DRC11: variants seen among roughly 807,000 people sequenced by gnomAD.
DRC11 encodes the protein dynein regulatory complex subunit 11.
the DRC11 span, among the ~76,000 whole-genome samples, chr2:236,406,912 A>T: frequency 1.4e-4 from 21 of 152,024 alleles, no homozygotes; most frequent in African/African-American, 4.6e-4. The surrounding 1 kb of genome is among the most constrained non-coding windows in gnomAD (Gnocchi z 4.7). Flanking sequence ...CGCCTGGCTA[A>T]TTTTTTGTAT....
At chr2:236,335,784 A>T in the DRC11 span, among the ~76,000 whole-genome samples, 2 of 152,232 alleles carry the variant, frequency 1.3e-5, no homozygotes, top group Non-Finnish European at 2.9e-5. The surrounding 1 kb of genome is among the most constrained non-coding windows in gnomAD (Gnocchi z 5.6). Flanking sequence ...AGAAGAACGC[A>T]TGAGAGGAGA....
At chr2:236,419,218 C>G in the DRC11 span, 1 of 1,538,112 alleles carries the variant, frequency 6.5e-7, no homozygotes, top group Non-Finnish European at 8.8e-7. This position sits in a 1 kb window ranked among gnomAD's most constrained non-coding sequence, Gnocchi z 4.8. Context: ...TTTTCTTCTT[C>G]TTCTTTTTGT....
At chr2:236,391,122 A>C in the DRC11 span, 1 of 152,190 alleles carries the variant, frequency 6.6e-6, no homozygotes, top group African/African-American at 2.4e-5. The surrounding 1 kb of genome is among the most constrained non-coding windows in gnomAD (Gnocchi z 4.5). Flanking sequence ...TGGTTATTAA[A>C]TTGGTGTTTT....
the DRC11 span, among the ~76,000 whole-genome samples, chr2:236,410,090 C>G: frequency 6.6e-6 from 1 of 151,426 alleles, no homozygotes; most frequent in Admixed American, 6.6e-5. Context: ...TGTGTCTCTG[C>G]CCGGCTTTGG....
At chr2:236,401,612 C>T in the DRC11 span, among the ~76,000 whole-genome samples, 2 of 152,206 alleles carry the variant, frequency 1.3e-5, no homozygotes, top group African/African-American at 4.8e-5. The surrounding 1 kb of genome is among the most constrained non-coding windows in gnomAD (Gnocchi z 4.6). Context: ...AACACAGACA[C>T]GGGCTACGGA....
the DRC11 span, among the ~76,000 whole-genome samples, chr2:236,357,649 T>TAATATAC: frequency 1.2e-3 from 157 of 126,224 alleles, 1 homozygote; most frequent in Non-Finnish European, 2.2e-3. Flanking sequence ...TGTAAATATA[T>TAATATAC]AAATTATATT....
chr2:236,430,282 G>A, the DRC11 span, among the ~76,000 whole-genome samples: 3 of 152,046 alleles, frequency 2.0e-5, no homozygotes, highest in Admixed American at 6.6e-5. This position sits in a 1 kb window ranked among gnomAD's most constrained non-coding sequence, Gnocchi z 6.0. Flanking sequence ...AAAGTAATAT[G>A]TCATTGAAGT....
At chr2:236,461,750 G>A in the DRC11 span, among the ~76,000 whole-genome samples, 22 of 152,248 alleles carry the variant, frequency 1.4e-4, no homozygotes, top group South Asian at 3.9e-3. This position sits in a 1 kb window ranked among gnomAD's most constrained non-coding sequence, Gnocchi z 4.0. Context: ...GGAAACTGAC[G>A]CACAGAGAAG....
chr2:236,375,498 TGAA>T, the DRC11 span, among the ~76,000 whole-genome samples: 1 of 152,150 alleles, frequency 6.6e-6, no homozygotes, highest in Non-Finnish European at 1.5e-5. This position sits in a 1 kb window ranked among gnomAD's most constrained non-coding sequence, Gnocchi z 4.2. Context: ...CTCCAGCACT[TGAA>T]GAAGAAACAC....
the DRC11 span, among the ~76,000 whole-genome samples, chr2:236,391,628 C>T: frequency 6.6e-6 from 1 of 152,214 alleles, no homozygotes; most frequent in African/African-American, 2.4e-5. This position sits in a 1 kb window ranked among gnomAD's most constrained non-coding sequence, Gnocchi z 4.5. Flanking sequence ...TTACCATTGG[C>T]CTCCCTTATA....
At chr2:236,437,693 T>C in the DRC11 span, among the ~76,000 whole-genome samples, 1 of 151,924 alleles carries the variant, frequency 6.6e-6, no homozygotes, top group Admixed American at 6.6e-5. Flanking sequence ...TGATGGCCAG[T>C]GATGCTGAGC....
At chr2:236,414,004 C>G in the DRC11 span, among the ~76,000 whole-genome samples, 1 of 152,212 alleles carries the variant, frequency 6.6e-6, no homozygotes, top group Non-Finnish European at 1.5e-5. Flanking sequence ...CTAGCATTGT[C>G]TTCTGTTAAA....
At chr2:236,419,116 T>C in the DRC11 span, 20 of 1,507,204 alleles carry the variant, frequency 1.3e-5, no homozygotes, top group Non-Finnish European at 1.6e-5. This position sits in a 1 kb window ranked among gnomAD's most constrained non-coding sequence, Gnocchi z 4.8. Context: ...GAAAATGAAA[T>C]CAAATTTCTA....
At chr2:236,496,018 G>A in the DRC11 span, among the ~76,000 whole-genome samples, 1 of 152,116 alleles carries the variant, frequency 6.6e-6, no homozygotes, top group African/African-American at 2.4e-5. The surrounding 1 kb of genome is among the most constrained non-coding windows in gnomAD (Gnocchi z 6.3). Flanking sequence ...AACAACAGGG[G>A]CATGACTTCC....
the DRC11 span, among the ~76,000 whole-genome samples, chr2:236,349,001 C>T: frequency 6.6e-6 from 1 of 152,108 alleles, no homozygotes; most frequent in African/African-American, 2.4e-5. The surrounding 1 kb of genome is among the most constrained non-coding windows in gnomAD (Gnocchi z 5.5). Flanking sequence ...CACCTTCCCT[C>T]CCTCCATCCT....
At chr2:236,486,577 A>G in the DRC11 span, among the ~76,000 whole-genome samples, 72 of 152,216 alleles carry the variant, frequency 4.7e-4, no homozygotes, top group Non-Finnish European at 8.5e-4. This position sits in a 1 kb window ranked among gnomAD's most constrained non-coding sequence, Gnocchi z 5.7. Flanking sequence ...CAGGAATAGC[A>G]GATTGTGACG....
the DRC11 span, among the ~76,000 whole-genome samples, chr2:236,358,293 AAT>A: frequency 3.4e-3 from 450 of 130,952 alleles, 2 homozygotes; most frequent in African/African-American, 0.013. Context: ...ATACTATATG[AAT>A]ATATATAATA....
chr2:236,378,944 C>T, the DRC11 span, among the ~76,000 whole-genome samples: 2 of 152,150 alleles, frequency 1.3e-5, no homozygotes, highest in Non-Finnish European at 2.9e-5. Context: ...AGTGGAGAAA[C>T]CTGCAGCCCC....
chr2:236,439,754 G>A, the DRC11 span, among the ~76,000 whole-genome samples: 7 of 151,906 alleles, frequency 4.6e-5, no homozygotes, highest in Non-Finnish European at 8.8e-5. Context: ...TTCACCAATC[G>A]TTCTGATAGC....
Sources: gnomAD v4.1 joint callset for allele counts (sites outside exome capture counted in the v4.1 genomes callset) on GRCh38, gnomAD v4.1.1 for gene constraint, Gnocchi (gnomAD v3.1) non-coding constraint, MANE v1.5 for transcripts, NCBI Gene and HGNC (gene_info 2026-07-23, HGNC 2026-07-21) for gene names.